NVL: variants seen among roughly 807,000 people sequenced by gnomAD.
NVL encodes nuclear VCP like, also known as nuclear valosin-containing protein-like.
A neutral mutation model predicts 110.2 loss-of-function variants in NVL; 84 were observed. The ratio of observed to expected loss-of-function variants is 0.76; its 90% confidence interval spans 0.64 to 0.91. The LOEUF (loss-of-function observed/expected upper bound fraction) is 0.91, where lower values mean the gene tolerates loss of function less well. Ranked by LOEUF, NVL falls within the 40% of genes least tolerant of loss-of-function variation. The pLI, the probability that NVL is intolerant of heterozygous loss-of-function variation, is 0.00. For synonymous variants in NVL, 354 were observed against 361.1 expected, an observed-to-expected ratio of 0.98 and a Z score of 0.22; for missense variants, 882 against 1,035.9, an observed-to-expected ratio of 0.85 and a Z score of 2.04.
chr1:224,239,367 T>C (rs769171139), intron 19 of NVL, among the ~76,000 whole-genome samples: 3 of 152,154 alleles, frequency 2.0e-5, no homozygotes, highest in Non-Finnish European at 4.4e-5. Flanking sequence ...TTTTGTGCTA[T>C]ATTTGAGAGG....
rs149190574 is a variant in NVL, at chr1:224,308,276, T to C, written c.343-13A>G. 1.5e-5 allele frequency: 23 copies of C among 1,585,526 alleles called. No individual in the cohort carries two copies. The African/African-American group carries it at 2.3e-4, about 16-fold the overall frequency. On this transcript the variant is annotated splice_polypyrimidine_tract_variant and intron_variant, in intron 5 of 22. Transcript: ENST00000281701. ...TGTGATTTGCTGACTGGCAGAAAGA[T>C]AAAACAAAATTGTAGCATAAATTAC...
At chr1:224,256,610 T>C (rs1260200256) in intron 18 of NVL, among the ~76,000 whole-genome samples, 1 of 152,136 alleles carries the variant, frequency 6.6e-6, no homozygotes, top group Non-Finnish European at 1.5e-5. Flanking sequence ...AGTTTATTAT[T>C]TTAATAAGTT....
At chr1:224,315,049 C>T (rs949624524) in intron 4 of NVL, among the ~76,000 whole-genome samples, 3 of 88,748 alleles carry the variant, frequency 3.4e-5, no homozygotes, top group African/African-American at 1.3e-4. Context: ...TTACAAATAA[C>T]TCTGTTTCTT....
chr1:224,262,806 A>G (rs949122252), intron 18 of NVL, among the ~76,000 whole-genome samples: 1 of 152,228 alleles, frequency 6.6e-6, no homozygotes, highest in Non-Finnish European at 1.5e-5. Context: ...ATGAGAAAGG[A>G]AACCTAATCA....
chr1:224,260,713 T>C (rs1244978060), intron 18 of NVL, among the ~76,000 whole-genome samples: 1 of 148,794 alleles, frequency 6.7e-6, no homozygotes, highest in Admixed American at 6.7e-5. Context: ...TTTTTTTTTT[T>C]TTTTTTGAGA....
intron 19 of NVL, among the ~76,000 whole-genome samples, chr1:224,246,582 C>A (rs1661847970): frequency 6.6e-6 from 1 of 152,154 alleles, no homozygotes; most frequent in Admixed American, 6.5e-5. Context: ...TTCATGAAAT[C>A]CCAAGGACAA....
chr1:224,303,409 T>C (rs566017564), intron 9 of NVL, among the ~76,000 whole-genome samples: 23 of 151,130 alleles, frequency 1.5e-4, no homozygotes, highest in African/African-American at 5.4e-4. Context: ...CATTCCAGCC[T>C]GGGTGACAGA....
In NVL at chr1:224,308,009, C is replaced by A; in HGVS notation, c.597G>T (p.Lys199Asn). Residue 199 changes from lysine (K) to asparagine (N), a missense_variant, in exon 6 of 23, where the codon AAG becomes AAT. By Grantham distance (94) the Lys-to-Asn change is moderately conservative. Coordinates refer to ENST00000281701, the MANE Select transcript of NVL (RefSeq NM_002533.4). ...AAAATACCTGTATCTCAGTTATTGGCTTCTTAGGATTACTTTTCTCACATG... is the reference window on the plus strand; with the variant it reads ...AAAATACCTGTATCTCAGTTATTGGATTCTTAGGATTACTTTTCTCACATG... Reference protein sequence around the residue: ...DLSCEKSNPKKPITEIQDSKD... With the variant: ...DLSCEKSNPKNPITEIQDSKD... 1 of 1,532,802 alleles carries A rather than the reference C, an allele frequency of 6.5e-7. No homozygotes were observed. The highest frequency in any genetic ancestry group is 8.7e-7 in the Non-Finnish European group (1 of 1,143,670). 95.0% of individuals were successfully genotyped at this position (1,532,802 alleles called of 1,614,324 possible).
At chr1:224,230,645 G>T (rs1486502359) in intron 22 of NVL, among the ~76,000 whole-genome samples, 1 of 151,968 alleles carries the variant, frequency 6.6e-6, no homozygotes, top group Non-Finnish European at 1.5e-5. Flanking sequence ...AGGCAGAAGA[G>T]GTCATTCTCT....
intron 17 of NVL, chr1:224,269,773 G>A (rs1488727431): frequency 7.4e-6 from 1 of 135,792 alleles, no homozygotes; most frequent in Non-Finnish European, 1.6e-5. Context: ...TTTGAGACAG[G>A]GGTCTTGTTC....
intron 17 of NVL, among the ~76,000 whole-genome samples, chr1:224,272,245 T>TGA (rs1665192663): frequency 1.3e-5 from 2 of 149,610 alleles, no homozygotes; most frequent in African/African-American, 4.9e-5. Flanking sequence ...CTCAGGAGGC[T>TGA]GAGGCACAAG....
At chr1:224,299,026 T>G (rs1668147550) in intron 10 of NVL, among the ~76,000 whole-genome samples, 3 of 152,196 alleles carry the variant, frequency 2.0e-5, no homozygotes, top group Non-Finnish European at 4.4e-5. Context: ...ATCATTTTAC[T>G]CAATCAGTTA....
At chr1:224,322,053 C>T (rs1467174454) in intron 2 of NVL, among the ~76,000 whole-genome samples, 3 of 152,002 alleles carry the variant, frequency 2.0e-5, no homozygotes, top group South Asian at 2.1e-4. Context: ...GAGTGAGTGG[C>T]GGGGATAGAA....
chr1:224,322,243 ATTTTTTTTT>A (rs34841668), intron 2 of NVL, among the ~76,000 whole-genome samples: 1 of 131,794 alleles, frequency 7.6e-6, no homozygotes, highest in African/African-American at 2.9e-5. Context: ...TGCCACGCTA[ATTTTTTTTT>A]TTTTTTTTTT....
rs61084002 is a variant in NVL, at chr1:224,301,798, CAAAAAAAAAAA to C, written c.961-1146_961-1136del. On this transcript the variant is annotated intron_variant, in intron 9 of 22. Transcript: ENST00000281701. ...TGGGCAACAGAGAGAAAATCTGTTT[CAAAAAAAAAAA>C]AAAAAAAAAAAAGAGAGAAGAGAGA... is the stretch of plus-strand genomic sequence containing the variant. The C allele has an allele frequency of 1.3e-3, 96 of 75,910 alleles. 1 individual carries two copies. Among genetic ancestry groups the C allele is most frequent in the Admixed American group, 5.7e-3 (35 of 6,188 alleles). 4.7% of individuals were successfully genotyped at this position (75,910 alleles called of 1,614,324 possible).
chr1:224,239,193 A>C (rs77807893), intron 19 of NVL, among the ~76,000 whole-genome samples: 4,125 of 152,300 alleles, frequency 0.027, 171 homozygotes, highest in African/African-American at 0.093. Context: ...CAATAAAAAG[A>C]CCTAAACAGT....
intron 13 of NVL, chr1:224,289,282 G>C: frequency 3.7e-6 from 2 of 539,760 alleles, no homozygotes; most frequent in Non-Finnish European, 3.1e-6. Context: ...ATTGTAAAAT[G>C]AATTTATTAA....
chr1:224,244,991 G>A lies in NVL; in HGVS notation c.2289+5221C>T, dbSNP rs16845601. Among the ~76,000 whole-genome samples, 1,244 of 152,040 alleles carry A rather than the reference G, an allele frequency of 8.2e-3. 15 individuals carry two copies. Among genetic ancestry groups the A allele is most frequent in the African/African-American group, 0.028 (1,151 of 41,512 alleles). ...GTGAGCCACTGTACCTGGCCCACTC[G>A]CTCTTCTTTTACAAAACTTAGATCC... On this transcript the variant is annotated intron_variant, in intron 19 of 22. Coordinates refer to ENST00000281701, the MANE Select transcript of NVL (RefSeq NM_002533.4).
chr1:224,249,592 A>C (rs1267031180), intron 19 of NVL, among the ~76,000 whole-genome samples: 2 of 152,146 alleles, frequency 1.3e-5, no homozygotes, highest in Non-Finnish European at 2.9e-5. Flanking sequence ...AAAAACACAA[A>C]AAATTAGCCG....
Sources: gnomAD v4.1 joint callset for allele counts (sites outside exome capture counted in the v4.1 genomes callset) on GRCh38, gnomAD v4.1.1 for gene constraint, MANE v1.5 for transcripts, NCBI Gene and HGNC (gene_info 2026-07-23, HGNC 2026-07-21) for gene names.